Variants in TMEM14B observed in about 807,000 individuals in gnomAD.
TMEM14B encodes transmembrane protein 14B.
TMEM14B carries 9 observed loss-of-function variants against 14.8 expected under a neutral mutation model. The observed-to-expected ratio is 0.61, with a 90% CI of 0.37 to 1.06. The LOEUF is 1.06. Among genes scored for constraint, TMEM14B ranks in the 50% least tolerant of loss-of-function variants. The pLI, the probability that TMEM14B is intolerant of heterozygous loss-of-function variation, is 0.01. For missense variants in TMEM14B, 128 were observed against 143.6 expected (o/e 0.89, Z 0.56); for synonymous variants, 40 against 51.3 (o/e 0.78, Z 0.94).
intron 3 of TMEM14B, chr6:10,749,936 C>T (rs899066346): frequency 1.7e-6 from 1 of 574,340 alleles, no homozygotes; most frequent in Non-Finnish European, 3.1e-6. Context: ...TAAAGGTAGG[C>T]AGGGGTGGTT....
In TMEM14B at chr6:10,751,647, A is replaced by G. The variant is rs562775008; in HGVS notation, c.202+413A>G. ...TCCGCTGAAGACCATTGGCCTCAGT[A>G]TCACTAAAATATCACGTATCTGGGT... On this transcript the variant is annotated intron_variant, in intron 4 of 5. Coordinates refer to ENST00000379542, the MANE Select transcript of TMEM14B (RefSeq NM_030969.5). Among the ~76,000 whole-genome samples, 212 of 152,202 alleles carry G rather than the reference A, an allele frequency of 1.4e-3. 3 individuals carry two copies. Among genetic ancestry groups the G allele is most frequent in the African/African-American group, 4.4e-3 (181 of 41,476 alleles).
At chr6:10,751,312 A>T (rs1378266943) in intron 4 of TMEM14B, 78 bp downstream of exon 4, 5 of 1,527,156 alleles carry the variant, frequency 3.3e-6, no homozygotes, top group African/African-American at 1.4e-5. Flanking sequence ...GTTTGGTGGG[A>T]TGGAGCGAGT....
chr6:10,754,870 T>C (rs754550343), intron 4 of TMEM14B, among the ~76,000 whole-genome samples: 1 of 152,114 alleles, frequency 6.6e-6, no homozygotes, highest in African/African-American at 2.4e-5. Flanking sequence ...AACTAACACA[T>C]TGATGGCTAA....
At chr6:10,755,062 G>C in intron 4 of TMEM14B, 80 bp from the exon 5 acceptor site, 1 of 1,463,302 alleles carries the variant, frequency 6.8e-7, no homozygotes, top group South Asian at 1.2e-5. Context: ...AGCCTTGAGA[G>C]ATTGGTGGGG....
chr6:10,753,972 G>A (rs1340494713), intron 4 of TMEM14B, among the ~76,000 whole-genome samples: 1 of 152,018 alleles, frequency 6.6e-6, no homozygotes, highest in Non-Finnish European at 1.5e-5. Flanking sequence ...CTAGAATTAC[G>A]CTTTCAAAAT....
chr6:10,754,469 C>T (rs1004583992), intron 4 of TMEM14B, among the ~76,000 whole-genome samples: 6 of 152,214 alleles, frequency 3.9e-5, no homozygotes, highest in Admixed American at 1.3e-4. Flanking sequence ...CTGGAAAGGG[C>T]ATTCCCATCC....
intron 4 of TMEM14B, among the ~76,000 whole-genome samples, chr6:10,751,919 A>G (rs6456662): frequency 0.02 from 3,117 of 152,092 alleles, 113 homozygotes; most frequent in African/African-American, 0.063. Context: ...ATTTCTGTGG[A>G]GCTCCACCCA....
intron 2 of TMEM14B, 117 bp downstream of exon 2, chr6:10,749,385 G>A: frequency 3.7e-6 from 5 of 1,336,782 alleles, no homozygotes; most frequent in Middle Eastern, 3.7e-4. Context: ...CGGGATGGGA[G>A]GATCACTGGA....
chr6:10,751,159 C>T lies in TMEM14B; in HGVS notation c.127C>T (p.Leu43=). Reference sequence around the variant, plus strand: ...CAGCGTGCCGTCCCTGGCTGCAGGGCTGCTCTTCGGCAGTCTAGCCGGCCT... The same window carrying T: ...CAGCGTGCCGTCCCTGGCTGCAGGGTTGCTCTTCGGCAGTCTAGCCGGCCT... The part of the protein sequence containing the change: ...TGSVPSLAAG[L]LFGSLAGLGA... Residue 43 remains leucine, a synonymous_variant, in exon 4 of 6, where the codon CTG becomes TTG. Transcript: ENST00000379542. 1 of 1,613,944 alleles carries T rather than the reference C, an allele frequency of 6.2e-7. No individual in the cohort carries two copies. The highest frequency in any genetic ancestry group is 1.1e-5 in the South Asian group (1 of 91,080).
chr6:10,754,758 C>T (rs1236756832), intron 4 of TMEM14B, among the ~76,000 whole-genome samples: 1 of 152,232 alleles, frequency 6.6e-6, no homozygotes, highest in Admixed American at 6.5e-5. Context: ...GTAGTAGGTG[C>T]TTTGACAGAT....
rs1771805932 is a variant in TMEM14B, at chr6:10,756,508, C to T, written c.335C>T (p.Thr112Ile). ...AAKVGVRMLM[T>I]SD The stretch of plus-strand genomic sequence containing the variant: ...AAAGTTGGAGTTCGTATGTTGATGA[C>T]ATCTGATTAGCAGAAGTCATGTTCC... Residue 112 changes from threonine to isoleucine, a missense_variant, in exon 6 of 6, where the codon ACA (threonine) becomes ATA (isoleucine). Coordinates refer to ENST00000379542, the MANE Select transcript of TMEM14B (RefSeq NM_030969.5). 2 of 1,613,670 alleles carry T rather than the reference C, an allele frequency of 1.2e-6. No homozygotes were observed. Among genetic ancestry groups the T allele is most frequent in the Non-Finnish European group, 1.7e-6 (2 of 1,179,846 alleles).
chr6:10,748,922 C>G (rs1344247019), intron 1 of TMEM14B, among the ~76,000 whole-genome samples: 2 of 152,200 alleles, frequency 1.3e-5, no homozygotes, highest in Non-Finnish European at 2.9e-5. Context: ...CTAACACATT[C>G]CCTGATTATA....
chr6:10,751,959 C>T (rs1352074358), intron 4 of TMEM14B, among the ~76,000 whole-genome samples: 1 of 151,978 alleles, frequency 6.6e-6, no homozygotes, highest in Non-Finnish European at 1.5e-5. Context: ...AGTGTGGGTT[C>T]CTTGCGGTCT....
At chr6:10,755,683 G>A (rs1397184404) in intron 5 of TMEM14B, 4 of 1,059,994 alleles carry the variant, frequency 3.8e-6, no homozygotes, top group South Asian at 3.4e-5. Flanking sequence ...GGCCAGGCAC[G>A]GTGGCTCACA....
At chr6:10,749,329 C>T in intron 2 of TMEM14B, 61 bp downstream of exon 2, 1 of 1,600,424 alleles carries the variant, frequency 6.2e-7, no homozygotes, top group Admixed American at 1.7e-5. Flanking sequence ...GAGTTCCTTT[C>T]CTCAGCTGAA....
chr6:10,752,543 G>A lies in TMEM14B; in HGVS notation c.202+1309G>A, dbSNP rs147135949. Among the ~76,000 whole-genome samples, 264 of 138,916 alleles carry A rather than the reference G, an allele frequency of 1.9e-3. 4 individuals carry two copies. The highest frequency in any genetic ancestry group is 4.8e-3 in the East Asian group (20 of 4,202). 91.1% of individuals were successfully genotyped at this position (138,916 alleles called of 152,430 possible). ...GCGGTCTTGGCTCACTGCAACCTCC[G>A]CCTCTTGGATTCAAGTGGTTCTCCT... On this transcript the variant is annotated intron_variant, in intron 4 of 5. Transcript: ENST00000379542.
intron 3 of TMEM14B, among the ~76,000 whole-genome samples, chr6:10,750,196 C>T (rs1440845740): frequency 4.0e-5 from 6 of 151,718 alleles, no homozygotes; most frequent in Non-Finnish European, 4.4e-5. Flanking sequence ...CTGCCTGGCC[C>T]TATTTCCTTC....
chr6:10,749,657 C>T lies in TMEM14B; in HGVS notation c.59C>T (p.Ala20Val), dbSNP rs200230747. Residue 20 changes from alanine to valine, a missense_variant, in exon 3 of 6, where the codon GCA (alanine) becomes GTA (valine). Ala to Val is a moderately conservative substitution (Grantham distance 64). Transcript: ENST00000379542. ...PLHWFGFGYT[A>V]LVVSGGIVGY... is the part of the protein sequence containing the mutation. Reference sequence around the variant, plus strand: ...CATTGGTTTGGCTTTGGCTACACAGCACTGGTTGTTTCTGGTGGGATCGTT... The same window carrying T: ...CATTGGTTTGGCTTTGGCTACACAGTACTGGTTGTTTCTGGTGGGATCGTT... 113 of 1,614,216 alleles carry T rather than the reference C, an allele frequency of 7.0e-5. No individual in the cohort carries two copies. Among genetic ancestry groups the T allele is most frequent in the Admixed American group, 1.8e-4 (11 of 60,034 alleles).
rs763858850 is a variant in TMEM14B at position 10,751,341 on chromosome 6, G to A, written c.202+107G>A. 129 of 1,286,630 alleles carry A rather than the reference G, an allele frequency of 1.0e-4. 1 individual carries two copies. Among genetic ancestry groups the A allele is most frequent in the Non-Finnish European group, 1.3e-4 (116 of 920,714 alleles). The allele number at this position is 1,286,630 out of a possible 1,614,324, so 79.7% of individuals were successfully genotyped here. The stretch of plus-strand genomic sequence containing the variant: ...AGCGAGTTCTTCCCACTTAATTTAC[G>A]ACAGTTTCACTGCTTCTCCAAGTCC... On this transcript the variant is annotated intron_variant, in intron 4 of 5. Coordinates refer to ENST00000379542, the MANE Select transcript of TMEM14B (RefSeq NM_030969.5).
Sources: allele counts gnomAD v4.1 joint callset (sites outside exome capture counted in the v4.1 genomes callset), GRCh38; gene constraint gnomAD v4.1.1; transcripts MANE v1.5; gene names NCBI Gene and HGNC (gene_info 2026-07-23, HGNC 2026-07-21).